The following PTPRR variants were observed in gnomAD, a reference collection of about 807,000 sequenced individuals.
The protein encoded by PTPRR is protein tyrosine phosphatase receptor type R.
In PTPRR, 38 loss-of-function variants were observed where a neutral mutation model predicts 77.2. The observed-to-expected ratio is 0.49, with a 90% CI of 0.38 to 0.65. The LOEUF (loss-of-function observed/expected upper bound fraction) is 0.65, where lower values mean the gene tolerates loss of function less well. PTPRR is among the 30% of genes least tolerant of loss of function. The pLI, the probability that PTPRR is intolerant of heterozygous loss-of-function variation, is 0.00. For missense variants in PTPRR, 744 were observed against 799.2 expected (o/e 0.93, Z 0.83); for synonymous variants, 299 against 283.1 (o/e 1.06, Z -0.57).
At chr12:70,718,825 A>G (rs974958248) in intron 6 of PTPRR, among the ~76,000 whole-genome samples, 4 of 152,252 alleles carry the variant, frequency 2.6e-5, no homozygotes, top group Admixed American at 2.0e-4. Flanking sequence ...TACAGATTGA[A>G]ACATATTTAT....
rs557454879 is a variant in PTPRR at position 70,754,018 on chromosome 12, A to C, written c.738+173T>G. On this transcript the variant is annotated intron_variant, in intron 5 of 13. Transcript: ENST00000283228. The stretch of plus-strand genomic sequence containing the variant: ...TCAGGTCAGCATCCTTAATTCCATA[A>C]GCTCTCCTTTAGCAATCGCTCTGAT... Among the ~76,000 whole-genome samples, 25 of 152,254 alleles carry C rather than the reference A, an allele frequency of 1.6e-4. No homozygotes were observed. In the South Asian group the frequency reaches 5.0e-3, roughly 30 times the overall value.
intron 8 of PTPRR, among the ~76,000 whole-genome samples, chr12:70,685,149 G>T (rs950015498): frequency 1.3e-5 from 2 of 152,010 alleles, no homozygotes; most frequent in Non-Finnish European, 2.9e-5. Context: ...GGTAAATCAG[G>T]CTATACTCTA....
intron 1 of PTPRR, among the ~76,000 whole-genome samples, chr12:70,906,088 T>C (rs1893617316): frequency 6.6e-6 from 1 of 151,926 alleles, no homozygotes; most frequent in Non-Finnish European, 1.5e-5. Context: ...TATTTAGTAT[T>C]GAGAAAGGAA....
intron 1 of PTPRR, among the ~76,000 whole-genome samples, chr12:70,897,918 C>T (rs959863616): frequency 1.3e-5 from 2 of 148,470 alleles, no homozygotes; most frequent in African/African-American, 5.0e-5. Flanking sequence ...AACCAAACAC[C>T]ACATGTTCTC....
intron 6 of PTPRR, among the ~76,000 whole-genome samples, chr12:70,739,233 CAAAA>C (rs1267461541): frequency 2.0e-5 from 3 of 152,042 alleles, no homozygotes; most frequent in Non-Finnish European, 4.4e-5. Context: ...AGAACAAAAA[CAAAA>C]AGAATATTAG....
At chr12:70,811,777 G>A (rs1336170002) in intron 2 of PTPRR, among the ~76,000 whole-genome samples, 1 of 152,162 alleles carries the variant, frequency 6.6e-6, no homozygotes, top group African/African-American at 2.4e-5. Context: ...CAGATGAAGG[G>A]CAGAGAGGTC....
At chr12:70,675,113 C>A (rs1294097797) in intron 10 of PTPRR, among the ~76,000 whole-genome samples, 1 of 151,920 alleles carries the variant, frequency 6.6e-6, no homozygotes, top group Admixed American at 6.6e-5. Flanking sequence ...GAGAATTATT[C>A]TTTTGAGAGT....
At chr12:70,809,274 G>A (rs1891767059) in intron 2 of PTPRR, among the ~76,000 whole-genome samples, 1 of 152,170 alleles carries the variant, frequency 6.6e-6, no homozygotes, top group Non-Finnish European at 1.5e-5. Flanking sequence ...GAGGTAGAAA[G>A]TACAAAGCCA....
chr12:70,809,831 C>G (rs1463385527), intron 2 of PTPRR, among the ~76,000 whole-genome samples: 1 of 152,090 alleles, frequency 6.6e-6, no homozygotes, highest in Non-Finnish European at 1.5e-5. Flanking sequence ...ACTAAATAAA[C>G]ATTATGTAAA....
chr12:70,688,197 C>A lies in PTPRR; in HGVS notation c.1280-3414G>T, dbSNP rs193291712. 3.7e-3 allele frequency among the ~76,000 whole-genome samples: 560 copies of A among 152,160 alleles called. 3 individuals carry two copies. The highest frequency in any genetic ancestry group is 0.013 in the African/African-American group (551 of 41,496). On this transcript the variant is annotated intron_variant, in intron 8 of 13. Coordinates refer to ENST00000283228, the MANE Select transcript of PTPRR (RefSeq NM_002849.4). ...GGGCAAAAATTTCTTGGATATGACC[C>A]TGAAAGCACAATGAAAGCAAAAATA...
At chr12:70,787,727 T>C in intron 2 of PTPRR, among the ~76,000 whole-genome samples, 1 of 152,186 alleles carries the variant, frequency 6.6e-6, no homozygotes, top group East Asian at 1.9e-4. Context: ...CTATATTTTG[T>C]GGGAAACAGA....
At chr12:70,657,189 C>A (rs1306125780) in intron 12 of PTPRR, among the ~76,000 whole-genome samples, 3 of 152,162 alleles carry the variant, frequency 2.0e-5, no homozygotes, top group African/African-American at 4.8e-5. Flanking sequence ...GGGAGAAAAG[C>A]AAAAAGTCAA....
chr12:70,666,949 T>TG (rs1887026421), intron 10 of PTPRR, among the ~76,000 whole-genome samples: 4 of 87,020 alleles, frequency 4.6e-5, no homozygotes, highest in African/African-American at 8.7e-5. Context: ...TTTTTTTTTT[T>TG]TTTTTTTTTT....
At chr12:70,871,736 A>C in intron 2 of PTPRR, among the ~76,000 whole-genome samples, 1 of 152,338 alleles carries the variant, frequency 6.6e-6, no homozygotes, top group East Asian at 1.9e-4. Context: ...GTCAGTTAAG[A>C]GTAAAATTAA....
chr12:70,850,937 T>G (rs1423908040), intron 2 of PTPRR, among the ~76,000 whole-genome samples: 3 of 150,656 alleles, frequency 2.0e-5, no homozygotes, highest in African/African-American at 4.9e-5. Context: ...GTTTCTCCTG[T>G]TTTTTTTTCC....
At chr12:70,885,406 A>T (rs1014847799) in intron 2 of PTPRR, among the ~76,000 whole-genome samples, 5 of 152,244 alleles carry the variant, frequency 3.3e-5, no homozygotes, top group Admixed American at 3.3e-4. Context: ...TAATGTAAAC[A>T]TAAAACTAAA....
intron 2 of PTPRR, among the ~76,000 whole-genome samples, chr12:70,846,990 C>A (rs1892495616): frequency 6.6e-6 from 1 of 152,020 alleles, no homozygotes; most frequent in Non-Finnish European, 1.5e-5. Flanking sequence ...AAACTCCTGG[C>A]ATGGGGATCT....
At chr12:70,683,784 C>T (rs1887759791) in intron 10 of PTPRR, among the ~76,000 whole-genome samples, 1 of 152,166 alleles carries the variant, frequency 6.6e-6, no homozygotes, top group African/African-American at 2.4e-5. Context: ...CCAATGACTA[C>T]AGTAGTACCT....
chr12:70,838,521 G>T (rs183249606), intron 2 of PTPRR, among the ~76,000 whole-genome samples: 11 of 152,304 alleles, frequency 7.2e-5, no homozygotes, highest in African/African-American at 2.6e-4. Flanking sequence ...CTATTTGGGA[G>T]TGAAAGAGAA....
Sources: gnomAD v4.1 joint callset for allele counts (sites outside exome capture counted in the v4.1 genomes callset) on GRCh38, gnomAD v4.1.1 for gene constraint, MANE v1.5 for transcripts, NCBI Gene and HGNC (gene_info 2026-07-23, HGNC 2026-07-21) for gene names.